The following OSBPL10 variants were observed in gnomAD, a reference collection of about 807,000 sequenced individuals.
OSBPL10 encodes the protein oxysterol-binding protein-related protein 10.
In OSBPL10, 49 loss-of-function variants were observed where a neutral mutation model predicts 81.7. The observed-to-expected ratio is 0.60, with a 90% CI of 0.48 to 0.76. The LOEUF (loss-of-function observed/expected upper bound fraction) is 0.76. Ranked by LOEUF, OSBPL10 falls within the 30% of genes least tolerant of loss-of-function variation. OSBPL10 has a pLI of 0.00. For missense variants in OSBPL10, 923 were observed against 987.8 expected (o/e 0.93, Z 0.88); for synonymous variants, 419 against 383.6 (o/e 1.09, Z -1.08).
intron 1 of OSBPL10, among the ~76,000 whole-genome samples, chr3:31,882,686 C>A (rs1017664480): frequency 2.0e-5 from 3 of 152,182 alleles, no homozygotes; most frequent in Non-Finnish European, 1.5e-5. Context: ...CACACACACA[C>A]GCACTGGAAT....
chr3:31,859,125 A>G (rs914352916), intron 3 of OSBPL10, among the ~76,000 whole-genome samples: 1 of 152,204 alleles, frequency 6.6e-6, no homozygotes, highest in African/African-American at 2.4e-5. Flanking sequence ...AAAGCTAGGT[A>G]GTAGCCTGTG....
intron 3 of OSBPL10, among the ~76,000 whole-genome samples, chr3:31,832,991 T>C (rs950799021): frequency 1.3e-5 from 2 of 152,200 alleles, no homozygotes; most frequent in African/African-American, 4.8e-5. Context: ...ATACCGCAGA[T>C]TGTAAAGATT....
At chr3:31,684,733 A>AAT (rs1700748567) in intron 7 of OSBPL10, among the ~76,000 whole-genome samples, 1 of 152,224 alleles carries the variant, frequency 6.6e-6, no homozygotes, top group Non-Finnish European at 1.5e-5. Context: ...TCAGCAGGCA[A>AAT]ATATCCACAG....
intron 3 of OSBPL10, among the ~76,000 whole-genome samples, chr3:31,859,169 T>G (rs189850604): frequency 1.6e-4 from 25 of 152,218 alleles, no homozygotes; most frequent in East Asian, 7.7e-4. Flanking sequence ...CCAGGTTTTT[T>G]TTTTTGTTGT....
rs765312482 is a variant in OSBPL10, at chr3:31,813,444, T to G, written c.729+16596A>C. On this transcript the variant is annotated intron_variant, in intron 4 of 11. Transcript: ENST00000396556. ...GCTCATGCAGAGGCAGTTTTGGTTT[T>G]TTTGTTTGTTTGTTTTGTCTATAAA... Among the ~76,000 whole-genome samples, 8 of 152,316 alleles carry G rather than the reference T, an allele frequency of 5.3e-5. No homozygotes were observed. The South Asian group carries it at 6.2e-4, about 12-fold the overall frequency.
chr3:31,769,161 G>A (rs1414807259), intron 4 of OSBPL10, among the ~76,000 whole-genome samples: 4 of 152,020 alleles, frequency 2.6e-5, no homozygotes, highest in African/African-American at 9.7e-5. Flanking sequence ...AAGAACAGAC[G>A]GCTGGGCACG....
At chr3:31,756,975 C>T (rs1697906847) in intron 4 of OSBPL10, among the ~76,000 whole-genome samples, 1 of 152,152 alleles carries the variant, frequency 6.6e-6, no homozygotes. Flanking sequence ...ACAGAGAAGG[C>T]TGGAGGAGGT....
chr3:31,926,288 T>TTCCCCCCCC (rs1034706033), intron 1 of OSBPL10, among the ~76,000 whole-genome samples: 8 of 88,124 alleles, frequency 9.1e-5, no homozygotes, highest in African/African-American at 2.5e-4. Flanking sequence ...TGGGTGATTT[T>TTCCCCCCCC]GCCCCCCCAG....
rs1423133301 is a variant in OSBPL10 at position 31,889,105 on chromosome 3, A to G, written c.282-9275T>C. Among the ~76,000 whole-genome samples, 3 of 152,216 alleles carry G rather than the reference A, an allele frequency of 2.0e-5. No individual in the cohort carries two copies. In the East Asian group the frequency reaches 5.8e-4, roughly 29 times the overall value. On this transcript the variant is annotated intron_variant, in intron 1 of 11. Transcript: ENST00000396556. ...CAAATCAAAATCACAATGAGGAATC[A>G]TCTAACCCCAGCTCGCATGGCTATT... is the stretch of plus-strand genomic sequence containing the variant.
At chr3:31,858,504 T>C (rs965999247) in intron 3 of OSBPL10, among the ~76,000 whole-genome samples, 5 of 152,178 alleles carry the variant, frequency 3.3e-5, no homozygotes, top group African/African-American at 1.2e-4. Flanking sequence ...ACTCATTCAG[T>C]GTCTGGCTCT....
intron 4 of OSBPL10, among the ~76,000 whole-genome samples, chr3:31,796,903 C>G (rs1423905166): frequency 6.6e-6 from 1 of 152,108 alleles, no homozygotes; most frequent in African/African-American, 2.4e-5. Flanking sequence ...CTTCTCTCTA[C>G]CCCAAACATT....
chr3:31,725,711 T>C (rs969083245), intron 6 of OSBPL10, among the ~76,000 whole-genome samples: 12 of 152,208 alleles, frequency 7.9e-5, no homozygotes, highest in African/African-American at 2.9e-4. Flanking sequence ...GTAAGTCATA[T>C]GTCACTCAAC....
intron 1 of OSBPL10, among the ~76,000 whole-genome samples, chr3:31,952,929 C>CTTTTTTTT (rs57873437): frequency 8.6e-6 from 1 of 116,572 alleles, no homozygotes; most frequent in African/African-American, 3.7e-5. Flanking sequence ...AATCTTCCTA[C>CTTTTTTTT]TTTTTTTTTT....
intron 1 of OSBPL10, among the ~76,000 whole-genome samples, chr3:31,917,503 C>G (rs1383865758): frequency 6.6e-6 from 1 of 151,750 alleles, no homozygotes; most frequent in African/African-American, 2.4e-5. Context: ...TGAAAGACTA[C>G]AGACACCCAA....
At chr3:31,856,556 T>TCC (rs1418674007) in intron 3 of OSBPL10, among the ~76,000 whole-genome samples, 2 of 152,200 alleles carry the variant, frequency 1.3e-5, no homozygotes, top group Admixed American at 1.3e-4. Flanking sequence ...CGGAATCTAT[T>TCC]CCCCCAAAGA....
intron 4 of OSBPL10, among the ~76,000 whole-genome samples, chr3:31,789,113 C>T (rs966955169): frequency 3.9e-5 from 6 of 152,036 alleles, no homozygotes; most frequent in African/African-American, 9.7e-5. Context: ...TAAGTCACAG[C>T]GATTACAGGC....
At chr3:31,774,162 C>CAAAAAAAAA (rs550791243) in intron 4 of OSBPL10, among the ~76,000 whole-genome samples, 1 of 81,492 alleles carries the variant, frequency 1.2e-5, no homozygotes, top group African/African-American at 3.7e-5. Flanking sequence ...AACTCCATCT[C>CAAAAAAAAA]AAAAAAAAAA....
chr3:31,806,258 C>T (rs1699521570), intron 4 of OSBPL10, among the ~76,000 whole-genome samples: 1 of 152,218 alleles, frequency 6.6e-6, no homozygotes, highest in Non-Finnish European at 1.5e-5. Flanking sequence ...AGCCCCATAC[C>T]TCCTGGCTTT....
At chr3:31,902,585 CAG>C (rs752630723) in intron 1 of OSBPL10, among the ~76,000 whole-genome samples, 12 of 151,848 alleles carry the variant, frequency 7.9e-5, no homozygotes, top group Non-Finnish European at 1.8e-4. Context: ...TTTTTTGAGA[CAG>C]AGTCTTGCTC....
Sources: allele counts gnomAD v4.1 joint callset (sites outside exome capture counted in the v4.1 genomes callset), GRCh38; gene constraint gnomAD v4.1.1; transcripts MANE v1.5; gene names NCBI Gene and HGNC (gene_info 2026-07-23, HGNC 2026-07-21).